Variants in CLK2 observed in about 807,000 individuals in gnomAD.
CLK2 encodes the protein dual specificity protein kinase CLK2.
CLK2 carries 12 observed loss-of-function variants against 73.5 expected under a neutral mutation model. That is an observed-to-expected ratio of 0.16 (90% confidence interval 0.10 to 0.26). The LOEUF is 0.26. Among genes scored for constraint, CLK2 ranks in the 10% least tolerant of loss-of-function variants. The pLI, the probability that CLK2 is intolerant of heterozygous loss-of-function variation, is 1.00. For missense variants in CLK2, 509 were observed against 688.4 expected (o/e 0.74, Z 2.92); for synonymous variants, 232 against 237.9 (o/e 0.98, Z 0.23).
In CLK2 at chr1:155,268,444, A is replaced by T; in HGVS notation, c.488-85T>A. On this transcript the variant is annotated intron_variant, in intron 4 of 12. Transcript: ENST00000368361. The surrounding 1 kb of genome is among the most constrained non-coding windows in gnomAD (Gnocchi z 5.6). ...AGTTGGAAGAAAAAAGGGGACAGCA[A>T]CCTGGGGTGGAGATGAAGGAAGGGG... 1 of 1,106,810 alleles carries T rather than the reference A, an allele frequency of 9.0e-7. No individual in the cohort carries two copies. The highest frequency in any genetic ancestry group is 1.4e-6 in the Non-Finnish European group (1 of 725,648). The allele number at this position is 1,106,810 out of a possible 1,614,324, so 68.6% of individuals were successfully genotyped here. A position where few individuals can be genotyped will look rare whatever the true frequency, so the allele number is the denominator to read the frequency against.
rs199998108 is a variant in CLK2 at position 155,268,130 on chromosome 1, T to A, written c.555-4A>T. The A allele has an allele frequency of 3.7e-6, 6 of 1,612,786 alleles. No homozygotes were observed. Among genetic ancestry groups the A allele is most frequent in the Non-Finnish European group, 5.1e-6 (6 of 1,178,882 alleles). On this transcript the variant is annotated splice_region_variant and splice_polypyrimidine_tract_variant and intron_variant, in intron 5 of 12. Transcript: ENST00000368361. The surrounding 1 kb of genome is among the most constrained non-coding windows in gnomAD (Gnocchi z 5.6). ...CAGGGCAACTCGAGCCCCACCCCTG[T>A]AAGTTGGCAGGAGAGGCTTTTGCTG...
Position 155,270,987 on chromosome 1 carries a change from A to C in CLK2, c.1-10T>G. The C allele has an allele frequency of 6.2e-7, 1 of 1,603,402 alleles. No homozygotes were observed. The highest frequency in any genetic ancestry group is 1.1e-5 in the South Asian group (1 of 90,894). The stretch of plus-strand genomic sequence containing the variant: ...TTCGAGGATGCGGCATCTGGAAGGC[A>C]AGGGAAAGCGGAAATAGGAAAGTTT... On this transcript the variant is annotated splice_polypyrimidine_tract_variant and intron_variant, in intron 1 of 12. Coordinates refer to ENST00000368361, the MANE Select transcript of CLK2 (RefSeq NM_001294338.2).
Position 155,268,469 on chromosome 1 carries a change from G to C in CLK2, c.488-110C>G. 6.8e-6 allele frequency: 6 copies of C among 878,710 alleles called. No individual in the cohort carries two copies. Among genetic ancestry groups the C allele is most frequent in the South Asian group, 1.4e-5 (1 of 72,034 alleles). 54.4% of individuals were successfully genotyped at this position (878,710 alleles called of 1,614,324 possible). A position where few individuals can be genotyped will look rare whatever the true frequency, so the allele number is the denominator to read the frequency against. ...ACCTGGGGTGGAGATGAAGGAAGGG[G>C]AACAGATACAGATGGTCACAGGGGA... On this transcript the variant is annotated intron_variant, in intron 4 of 12. Coordinates refer to ENST00000368361, the MANE Select transcript of CLK2 (RefSeq NM_001294338.2). The surrounding 1 kb of genome is among the most constrained non-coding windows in gnomAD (Gnocchi z 5.6).
chr1:155,264,838 T>C lies in CLK2; in HGVS notation c.934-64A>G, dbSNP rs1279979681. ...AGACTGAGATTCCACCAGTATTCTC[T>C]ACATTGCTTCTGAGCCTTAAAAAAG... On this transcript the variant is annotated intron_variant, in intron 8 of 12. Coordinates refer to ENST00000368361, the MANE Select transcript of CLK2 (RefSeq NM_001294338.2). 14 of 1,588,532 alleles carry C rather than the reference T, an allele frequency of 8.8e-6. 1 individual carries two copies. The Admixed American group carries it at 2.4e-4, about 28-fold the overall frequency.
chr1:155,268,398 G>A lies in CLK2; in HGVS notation c.488-39C>T, dbSNP rs897411581. 1.3e-6 allele frequency: 2 copies of A among 1,570,134 alleles called. No homozygotes were observed. The highest frequency in any genetic ancestry group is 4.5e-5 in the East Asian group (2 of 44,586). On this transcript the variant is annotated intron_variant, in intron 4 of 12. Coordinates refer to ENST00000368361, the MANE Select transcript of CLK2 (RefSeq NM_001294338.2). The surrounding 1 kb of genome is among the most constrained non-coding windows in gnomAD (Gnocchi z 5.6). ...GAGCAGGGTCGGGGAGAGGGAGGGA[G>A]AGAAGGTGGGGAATGAGCTGAGTTG...
intron 6 of CLK2, among the ~76,000 whole-genome samples, chr1:155,267,191 C>G: frequency 6.6e-6 from 1 of 152,276 alleles, no homozygotes; most frequent in East Asian, 1.9e-4. Context: ...GCCTCCTGTT[C>G]AAGCGATTCT....
intron 1 of CLK2, among the ~76,000 whole-genome samples, chr1:155,272,415 C>T (rs1673556131): frequency 6.6e-6 from 1 of 151,810 alleles, no homozygotes; most frequent in Admixed American, 6.6e-5. Context: ...TCCTTTTTTT[C>T]CTTCAAGGAA....
At position 155,268,322 on chromosome 1, in the gene CLK2, G is replaced by A; in HGVS notation, c.525C>T (p.Gly175=). The A allele has an allele frequency of 6.2e-7, 1 of 1,614,140 alleles. No homozygotes were observed. The change falls in exon 5 of 13, where the codon GGC becomes GGT. Residue 175 remains glycine (G), a synonymous_variant. Transcript: ENST00000368361. This position sits in a 1 kb window ranked among gnomAD's most constrained non-coding sequence, Gnocchi z 5.6. ...GATGGTCAACACATTGTACAACTCG[G>A]CCGAAGGTCCCCTCTCCTAAGGTGC... is the stretch of plus-strand genomic sequence containing the variant. ...IVSTLGEGTF[G]RVVQCVDHRR... is the part of the protein sequence containing the mutation.
Position 155,268,925 on chromosome 1 carries a change from A to G in CLK2, c.400-130T>C. Reference sequence around the variant, plus strand: ...GGGGGGACAGACGATGATGGGGGACAGTGGAAGGGAACACGTCAGATGCAG... The same window carrying G: ...GGGGGGACAGACGATGATGGGGGACGGTGGAAGGGAACACGTCAGATGCAG... On this transcript the variant is annotated intron_variant, in intron 3 of 12. Coordinates refer to ENST00000368361, the MANE Select transcript of CLK2 (RefSeq NM_001294338.2). This position sits in a 1 kb window ranked among gnomAD's most constrained non-coding sequence, Gnocchi z 5.6. 1.5e-6 allele frequency: 1 copy of G among 671,536 alleles called. No homozygotes were observed. The highest frequency in any genetic ancestry group is 2.7e-6 in the Non-Finnish European group (1 of 369,258). 41.6% of individuals were successfully genotyped at this position (671,536 alleles called of 1,614,324 possible). A position where few individuals can be genotyped will look rare whatever the true frequency, so the allele number is the denominator to read the frequency against.
chr1:155,268,737 T>C lies in CLK2; in HGVS notation c.458A>G (p.Tyr153Cys), dbSNP rs1673345013. Reference sequence around the variant, plus strand: ...CTCTTGTAGCCAGTCCCCGACGTGGTAGATGAGGTGGCCCTCAGCGTCGTC... The same window carrying C: ...CTCTTGTAGCCAGTCCCCGACGTGGCAGATGAGGTGGCCCTCAGCGTCGTC... ...VEDDAEGHLI[Y>C]HVGDWLQERY... Residue 153 changes from tyrosine to cysteine, a missense_variant, in exon 4 of 13, where the codon TAC becomes TGC. Transcript: ENST00000368361. This position sits in a 1 kb window ranked among gnomAD's most constrained non-coding sequence, Gnocchi z 5.6. 1.2e-6 allele frequency: 2 copies of C among 1,613,416 alleles called. No individual in the cohort carries two copies. The highest frequency in any genetic ancestry group is 1.7e-6 in the Non-Finnish European group (2 of 1,179,880).
Position 155,268,076 on chromosome 1 carries a change from T to C in CLK2, c.605A>G (p.Lys202Arg). Residue 202 changes from lysine (K) to arginine (R), a missense_variant, in exon 6 of 13, where the codon AAG becomes AGG. By Grantham distance (26) the Lys-to-Arg change is conservative. This residue lies in a region of CLK2 where 76 missense variants were observed against 126.4 expected (regional missense o/e 0.60). Transcript: ENST00000368361. This position sits in a 1 kb window ranked among gnomAD's most constrained non-coding sequence, Gnocchi z 5.6. ...GTTGATCTCAAGTCGAGCTGCTTCC[T>C]TGTACTTCTCCACATTCTTAATGAT... ...LKIIKNVEKYKEAARLEINVL... is the reference protein window; with the variant it reads ...LKIIKNVEKYREAARLEINVL... The C allele has an allele frequency of 6.2e-7, 1 of 1,614,194 alleles. No homozygotes were observed. Among genetic ancestry groups the C allele is most frequent in the Non-Finnish European group, 8.5e-7 (1 of 1,180,024 alleles).
intron 12 of CLK2, 134 bp from the exon 13 acceptor site, chr1:155,263,534 C>A: frequency 6.9e-7 from 1 of 1,448,664 alleles, no homozygotes; most frequent in Non-Finnish European, 9.0e-7. Flanking sequence ...ACCACGACCA[C>A]ACCAGGACCA....
intron 8 of CLK2, 108 bp from the exon 9 acceptor site, chr1:155,264,882 T>C (rs879922077): frequency 1.7e-5 from 23 of 1,377,592 alleles, no homozygotes; most frequent in Non-Finnish European, 2.2e-5. Flanking sequence ...ATCTCCTGCC[T>C]GGCCTTACAA....
At position 155,268,256 on chromosome 1, in the gene CLK2, C is replaced by G. The variant is rs57075171; in HGVS notation, c.554+37G>C. ...AAGCCCCATATAACCCCAACCATCTCTTTAGCCCCACATAGTAGGGAGGGA... is the reference window on the plus strand; with the variant it reads ...AAGCCCCATATAACCCCAACCATCTGTTTAGCCCCACATAGTAGGGAGGGA... On this transcript the variant is annotated intron_variant, in intron 5 of 12. Transcript: ENST00000368361. The surrounding 1 kb of genome is among the most constrained non-coding windows in gnomAD (Gnocchi z 5.6). The G allele has an allele frequency of 5.0e-3, 8,052 of 1,604,956 alleles. 165 individuals carry two copies. In the African/African-American group the frequency reaches 0.059, roughly 12 times the overall value.
At chr1:155,263,546 C>G in intron 12 of CLK2, 146 bp from the exon 13 acceptor site, 1 of 1,439,678 alleles carries the variant, frequency 6.9e-7, no homozygotes, top group Non-Finnish European at 9.1e-7. Flanking sequence ...CCAGGACCAA[C>G]GTTTCTGATA....
At chr1:155,265,996 A>G in intron 7 of CLK2, 42 bp from the exon 8 acceptor site, 1 of 1,385,236 alleles carries the variant, frequency 7.2e-7, no homozygotes, top group South Asian at 1.2e-5. Flanking sequence ...GCAGGTGGCC[A>G]GAGCTAACTG....
At position 155,268,646 on chromosome 1, in the gene CLK2, G is replaced by A. The variant is rs1673341777; in HGVS notation, c.487+62C>T. 6.8e-7 allele frequency: 1 copy of A among 1,471,848 alleles called. No individual in the cohort carries two copies. Among genetic ancestry groups the A allele is most frequent in the East Asian group, 2.3e-5 (1 of 44,120 alleles). 91.2% of individuals were successfully genotyped at this position (1,471,848 alleles called of 1,614,324 possible). A position where few individuals can be genotyped will look rare whatever the true frequency, so the allele number is the denominator to read the frequency against. ...AAGAGGCTGTGACTCAGGTTGGCTT[G>A]GGACGTTAGGATGGCTATGGGACCA... On this transcript the variant is annotated intron_variant, in intron 4 of 12. Transcript: ENST00000368361. This position sits in a 1 kb window ranked among gnomAD's most constrained non-coding sequence, Gnocchi z 5.6.
chr1:155,272,997 C>T (rs534275515), intron 1 of CLK2, among the ~76,000 whole-genome samples: 1 of 152,298 alleles, frequency 6.6e-6, no homozygotes, highest in Admixed American at 6.5e-5. Context: ...TAGTCTGGTT[C>T]CGCCCAAGCT....
At chr1:155,271,382 C>T (rs1375159230) in intron 1 of CLK2, among the ~76,000 whole-genome samples, 1 of 152,182 alleles carries the variant, frequency 6.6e-6, no homozygotes, top group Non-Finnish European at 1.5e-5. Flanking sequence ...CGCACCACCA[C>T]TCCTGGCTAA....
Sources: gnomAD v4.1 joint callset for allele counts (sites outside exome capture counted in the v4.1 genomes callset) on GRCh38, gnomAD v4.1.1 for gene constraint, gnomAD v4.1.1 regional missense constraint, Gnocchi (gnomAD v3.1) non-coding constraint, MANE v1.5 for transcripts, NCBI Gene and HGNC (gene_info 2026-07-23, HGNC 2026-07-21) for gene names.